Variants in DLG2 observed in about 807,000 individuals in gnomAD.
DLG2 encodes the protein disks large homolog 2.
Under a neutral mutation model 132.5 loss-of-function variants are expected in DLG2, and 45 were observed. The ratio of observed to expected loss-of-function variants is 0.34; its 90% CI spans 0.27 to 0.44. The LOEUF (loss-of-function observed/expected upper bound fraction) is 0.44. Ranked by LOEUF, DLG2 falls within the 20% of genes least tolerant of loss-of-function variation. DLG2 has a pLI of 1.00. For synonymous variants in DLG2, 424 were observed against 419.6 expected, an observed-to-expected ratio of 1.01 and a Z score of -0.13; for missense variants, 1,045 against 1,196.9, an observed-to-expected ratio of 0.87 and a Z score of 1.87.
chr11:84,100,451 C>A (rs2092424774), intron 9 of DLG2, among the ~76,000 whole-genome samples: 1 of 151,322 alleles, frequency 6.6e-6, no homozygotes, highest in Non-Finnish European at 1.5e-5. Context: ...TCTCCCATCT[C>A]CACAGCTACA....
intron 7 of DLG2, among the ~76,000 whole-genome samples, chr11:84,371,061 G>A (rs968253464): frequency 3.3e-5 from 5 of 151,856 alleles, no homozygotes; most frequent in African/African-American, 1.2e-4. Context: ...TCTTTTTGTC[G>A]CTTTAGATCT....
rs534563851 is a variant in DLG2 at position 83,490,729 on chromosome 11, A to T, written c.2194-6501T>A. 5.3e-5 allele frequency among the ~76,000 whole-genome samples: 8 copies of T among 152,110 alleles called. No individual in the cohort carries two copies. In the South Asian group the frequency reaches 1.7e-3, roughly 32 times the overall value. On this transcript the variant is annotated intron_variant, in intron 21 of 27. Transcript: ENST00000376104. ...TGGAAAACACTGAGAAGTACACAAC[A>T]TCACTTCTGTAGTATTTCTGCCAAA...
At chr11:84,452,489 G>A (rs1311307866) in intron 7 of DLG2, among the ~76,000 whole-genome samples, 1 of 151,642 alleles carries the variant, frequency 6.6e-6, no homozygotes, top group Non-Finnish European at 1.5e-5. Flanking sequence ...CTTGGAGCAG[G>A]GAGAACAGTT....
At chr11:83,968,937 A>G (rs1194191259) in intron 12 of DLG2, among the ~76,000 whole-genome samples, 1 of 152,216 alleles carries the variant, frequency 6.6e-6, no homozygotes, top group African/African-American at 2.4e-5. Context: ...TGGAGAACAT[A>G]GTTGATAATG....
chr11:84,618,787 T>A (rs2099608936), intron 6 of DLG2, among the ~76,000 whole-genome samples: 2 of 152,216 alleles, frequency 1.3e-5, no homozygotes, highest in Non-Finnish European at 2.9e-5. Context: ...CAGACTACTA[T>A]GAGTGACAAA....
intron 6 of DLG2, among the ~76,000 whole-genome samples, chr11:84,788,643 G>A (rs1238549328): frequency 6.6e-6 from 1 of 151,946 alleles, no homozygotes; most frequent in Non-Finnish European, 1.5e-5. Context: ...ATAGGTGTAT[G>A]TCATATACTA....
intron 6 of DLG2, among the ~76,000 whole-genome samples, chr11:84,877,976 T>C (rs990142732): frequency 2.0e-5 from 3 of 152,184 alleles, no homozygotes; most frequent in African/African-American, 7.2e-5. Flanking sequence ...TTGTCATCAC[T>C]GGTCATTAGA....
intron 6 of DLG2, among the ~76,000 whole-genome samples, chr11:84,787,543 T>C (rs2073121341): frequency 6.6e-6 from 1 of 152,196 alleles, no homozygotes; most frequent in Non-Finnish European, 1.5e-5. Context: ...TTCCCTCTGT[T>C]CCACCTCTTT....
chr11:84,517,172 A>G (rs549791451), intron 7 of DLG2, among the ~76,000 whole-genome samples: 7 of 151,462 alleles, frequency 4.6e-5, no homozygotes, highest in African/African-American at 1.7e-4. Flanking sequence ...TCAAACTAAA[A>G]AGCTTCAGCA....
At chr11:84,697,885 GCA>G (rs1456937426) in intron 6 of DLG2, among the ~76,000 whole-genome samples, 2 of 151,338 alleles carry the variant, frequency 1.3e-5, no homozygotes, top group African/African-American at 4.8e-5. Context: ...CCATTGAAAA[GCA>G]CAAGGTGTAT....
intron 18 of DLG2, among the ~76,000 whole-genome samples, chr11:83,653,626 C>T (rs958207036): frequency 1.3e-5 from 2 of 152,164 alleles, no homozygotes; most frequent in African/African-American, 4.8e-5. Flanking sequence ...TTCTTTGGGG[C>T]CATTTTCCCC....
intron 6 of DLG2, among the ~76,000 whole-genome samples, chr11:84,582,779 G>A (rs965769694): frequency 3.9e-5 from 6 of 152,106 alleles, no homozygotes. Flanking sequence ...GAGACTAGAT[G>A]TCCTGTTCAA....
intron 5 of DLG2, chr11:85,133,033 C>T (rs1024245563): frequency 8.7e-6 from 3 of 345,324 alleles, no homozygotes; most frequent in African/African-American, 4.3e-5. Context: ...CAAAACTTCC[C>T]GGTGGCTTCC....
At chr11:84,923,817 A>G (rs1220293604) in intron 6 of DLG2, among the ~76,000 whole-genome samples, 2 of 152,326 alleles carry the variant, frequency 1.3e-5, no homozygotes, top group East Asian at 3.9e-4. Flanking sequence ...AGGACTGAGA[A>G]GTACCACCTT....
chr11:84,762,600 C>T (rs924752701), intron 6 of DLG2, among the ~76,000 whole-genome samples: 1 of 152,162 alleles, frequency 6.6e-6, no homozygotes, highest in Admixed American at 6.5e-5. Flanking sequence ...AAGGATTTCC[C>T]TTTTTCTCTC....
intron 6 of DLG2, among the ~76,000 whole-genome samples, chr11:84,680,640 C>G (rs1327687550): frequency 3.3e-5 from 5 of 152,126 alleles, no homozygotes; most frequent in Non-Finnish European, 5.9e-5. Context: ...TGCTTTGCAG[C>G]CAGACATATT....
chr11:84,344,587 T>G (rs2098530841), intron 7 of DLG2, among the ~76,000 whole-genome samples: 2 of 152,172 alleles, frequency 1.3e-5, no homozygotes, highest in African/African-American at 4.8e-5. Flanking sequence ...TTTCCACCTA[T>G]TAAAGGCAAC....
intron 11 of DLG2, among the ~76,000 whole-genome samples, chr11:84,034,816 T>C (rs184846893): frequency 2.6e-5 from 4 of 152,324 alleles, no homozygotes; most frequent in Admixed American, 2.6e-4. Context: ...TGTCCTGGAA[T>C]TGAGTGTGGA....
intron 15 of DLG2, among the ~76,000 whole-genome samples, chr11:83,925,689 T>C (rs575756368): frequency 8.5e-5 from 13 of 152,212 alleles, no homozygotes; most frequent in African/African-American, 4.8e-5. Context: ...TGCCAATATA[T>C]TTTAATTAGC....
Sources: allele counts gnomAD v4.1 joint callset (sites outside exome capture counted in the v4.1 genomes callset), GRCh38; gene constraint gnomAD v4.1.1; transcripts MANE v1.5; gene names NCBI Gene and HGNC (gene_info 2026-07-23, HGNC 2026-07-21).